Variants in UNC5D observed in about 807,000 individuals in gnomAD.
UNC5D encodes the protein unc-5 netrin receptor D, also known as netrin receptor UNC5D.
A neutral mutation model predicts 105.4 loss-of-function variants in UNC5D; 39 were observed. The observed-to-expected ratio is 0.37, with a 90% CI of 0.29 to 0.48. The LOEUF (loss-of-function observed/expected upper bound fraction) is 0.48. Among genes scored for constraint, UNC5D ranks in the 20% least tolerant of loss-of-function variants. UNC5D has a pLI of 0.98. For synonymous variants in UNC5D, 452 were observed against 450.4 expected (o/e 1.00, Z -0.04); for missense variants, 991 against 1,202.4 (o/e 0.82, Z 2.60).
chr8:35,446,156 C>A (rs767184582), intron 1 of UNC5D, among the ~76,000 whole-genome samples: 1 of 151,704 alleles, frequency 6.6e-6, no homozygotes. Flanking sequence ...CTCCTCACCC[C>A]CTTCCCACAC....
At chr8:35,260,378 C>A (rs1804399768) in intron 1 of UNC5D, among the ~76,000 whole-genome samples, 1 of 152,222 alleles carries the variant, frequency 6.6e-6, no homozygotes, top group Non-Finnish European at 1.5e-5. Context: ...ATTGGCAATG[C>A]TCAATTCCGA....
At chr8:35,309,506 G>C (rs1228393205) in intron 1 of UNC5D, among the ~76,000 whole-genome samples, 2 of 152,134 alleles carry the variant, frequency 1.3e-5, no homozygotes, top group Non-Finnish European at 2.9e-5. Flanking sequence ...GATGTCCTTG[G>C]TTAATGTGAA....
chr8:35,647,196 G>T (rs1336946693), intron 4 of UNC5D, among the ~76,000 whole-genome samples: 1 of 152,182 alleles, frequency 6.6e-6, no homozygotes, highest in Non-Finnish European at 1.5e-5. Flanking sequence ...CTAGTTAGCT[G>T]TAACTCTGAA....
At chr8:35,524,790 T>A (rs1437937519) in intron 1 of UNC5D, among the ~76,000 whole-genome samples, 2 of 150,120 alleles carry the variant, frequency 1.3e-5, no homozygotes, top group South Asian at 4.2e-4. Flanking sequence ...AAAGTTTCTT[T>A]CAATCATTCA....
chr8:35,327,576 C>T (rs993276191), intron 1 of UNC5D, among the ~76,000 whole-genome samples: 3 of 152,222 alleles, frequency 2.0e-5, no homozygotes, highest in Non-Finnish European at 2.9e-5. Flanking sequence ...TTTGACCTCT[C>T]TCTTCTGCAT....
intron 9 of UNC5D, among the ~76,000 whole-genome samples, chr8:35,722,915 G>A (rs1346270931): frequency 1.3e-5 from 2 of 152,156 alleles, no homozygotes; most frequent in African/African-American, 4.8e-5. Flanking sequence ...CAGCCGAAAC[G>A]ACTCTCAGCT....
At chr8:35,254,635 C>G (rs372344184) in intron 1 of UNC5D, 4 of 152,210 alleles carry the variant, frequency 2.6e-5, no homozygotes, top group African/African-American at 7.2e-5. Flanking sequence ...GTTCATGCCC[C>G]TTGTTCAGGA....
At chr8:35,309,838 G>T (rs1015263897) in intron 1 of UNC5D, among the ~76,000 whole-genome samples, 9 of 152,136 alleles carry the variant, frequency 5.9e-5, no homozygotes, top group African/African-American at 2.2e-4. Flanking sequence ...CCAAATAATT[G>T]CATGTTAAGC....
chr8:35,490,220 G>A (rs16884017), intron 1 of UNC5D, among the ~76,000 whole-genome samples: 3,416 of 152,164 alleles, frequency 0.022, 133 homozygotes, highest in African/African-American at 0.078. Flanking sequence ...AACAATTTTG[G>A]AGCGGGGCAC....
intron 2 of UNC5D, among the ~76,000 whole-genome samples, chr8:35,558,852 G>T (rs756781525): frequency 2.0e-5 from 3 of 151,994 alleles, no homozygotes; most frequent in Admixed American, 6.6e-5. Flanking sequence ...TCGTGATGGC[G>T]CATTCCTGTA....
chr8:35,687,946 C>T (rs747812595), intron 7 of UNC5D, among the ~76,000 whole-genome samples: 6 of 151,830 alleles, frequency 4.0e-5, no homozygotes, highest in East Asian at 1.9e-4. Context: ...CTGGCTAAAA[C>T]GGTGAAACCC....
At chr8:35,422,580 A>G (rs1805990963) in intron 1 of UNC5D, among the ~76,000 whole-genome samples, 1 of 152,222 alleles carries the variant, frequency 6.6e-6, no homozygotes, top group Non-Finnish European at 1.5e-5. Flanking sequence ...ATTTCTCTAC[A>G]AATTTCAGTA....
intron 16 of UNC5D, 115 bp from the exon 17 acceptor site, chr8:35,790,244 C>A: frequency 8.9e-7 from 1 of 1,126,388 alleles, no homozygotes; most frequent in Non-Finnish European, 1.3e-6. Context: ...AGCTTTTTAT[C>A]CCTACTATAA....
chr8:35,285,437 C>T (rs532182469), intron 1 of UNC5D, among the ~76,000 whole-genome samples: 5 of 152,242 alleles, frequency 3.3e-5, no homozygotes, highest in East Asian at 1.9e-4. Flanking sequence ...TGAAGCTTTG[C>T]ATAAGTTCAA....
chr8:35,649,889 T>C (rs968331859), intron 4 of UNC5D, among the ~76,000 whole-genome samples: 1 of 152,136 alleles, frequency 6.6e-6, no homozygotes, highest in African/African-American at 2.4e-5. Context: ...GATGACTGAA[T>C]CTACCGTAGT....
chr8:35,621,380 C>T (rs1456219373), intron 4 of UNC5D, among the ~76,000 whole-genome samples: 3 of 152,060 alleles, frequency 2.0e-5, no homozygotes, highest in Admixed American at 2.0e-4. Context: ...GTACTAGGCA[C>T]TCAGAAAATA....
chr8:35,777,629 C>T (rs1369644903), intron 16 of UNC5D, among the ~76,000 whole-genome samples: 1 of 152,098 alleles, frequency 6.6e-6, no homozygotes, highest in South Asian at 2.1e-4. Flanking sequence ...CACAACTACT[C>T]GGCAACATTC....
chr8:35,272,728 G>A (rs551278450), intron 1 of UNC5D, among the ~76,000 whole-genome samples: 29 of 152,206 alleles, frequency 1.9e-4, no homozygotes, highest in African/African-American at 5.1e-4. Flanking sequence ...AAAACAGTTC[G>A]CCACTTCTAC....
chr8:35,684,525 GGCAATC>G, intron 5 of UNC5D, 51 bp from the exon 6 acceptor site: 1 of 1,575,806 alleles, frequency 6.3e-7, no homozygotes. Flanking sequence ...GCACATAGTA[GGCAATC>G]AGTAAAAACC....
Sources: allele counts gnomAD v4.1 joint callset (sites outside exome capture counted in the v4.1 genomes callset), GRCh38; gene constraint gnomAD v4.1.1; transcripts MANE v1.5; gene names NCBI Gene and HGNC (gene_info 2026-07-23, HGNC 2026-07-21).